OTOG: variants seen among roughly 807,000 people sequenced by gnomAD.
OTOG encodes the protein otogelin.
Under a neutral mutation model 313.8 loss-of-function variants are expected in OTOG, and 296 were observed. That is an observed-to-expected ratio of 0.94 (90% CI 0.86 to 1.04). The LOEUF (loss-of-function observed/expected upper bound fraction) is 1.04, where lower values mean the gene tolerates loss of function less well. Among genes scored for constraint, OTOG ranks in the 50% least tolerant of loss-of-function variants. The pLI, the probability that OTOG is intolerant of heterozygous loss-of-function variation, is 0.00. For synonymous variants in OTOG, 1,533 were observed against 1,554.9 expected (o/e 0.99, Z 0.33); for missense variants, 3,948 against 3,840.1 (o/e 1.03, Z -0.74).
rs1381718622 is a variant in OTOG, at chr11:17,609,663, C to G, written c.4363C>G (p.Pro1455Ala). 1.3e-6 allele frequency: 2 copies of G among 1,489,026 alleles called. No individual in the cohort carries two copies. The highest frequency in any genetic ancestry group is 1.4e-5 in the African/African-American group (1 of 71,154). The allele number at this position is 1,489,026 out of a possible 1,614,324, so 92.2% of individuals were successfully genotyped here. A position where few individuals can be genotyped will look rare whatever the true frequency, so the allele number is the denominator to read the frequency against. Reference sequence around the variant, plus strand: ...TTCTTTTGTCTCCGCAGGTGTGGAGCCAGCAGTTTGGGTTCCCACAGAGGC... The same window carrying G: ...TTCTTTTGTCTCCGCAGGTGTGGAGGCAGCAGTTTGGGTTCCCACAGAGGC... ...RCVYLEDCVE[P>A]AVWVPTEALG... is the part of the protein sequence containing the mutation. Residue 1455 changes from proline to alanine, a missense_variant, in exon 36 of 56, where the codon CCA becomes GCA. Coordinates refer to ENST00000399397, the MANE Select transcript of OTOG (RefSeq NM_001292063.2).
At chr11:17,561,260 C>T in intron 14 of OTOG, 123 bp downstream of exon 14, 2 of 1,128,584 alleles carry the variant, frequency 1.8e-6, no homozygotes, top group South Asian at 1.4e-5. Flanking sequence ...ATTGGCTACG[C>T]CCCGACCCCT....
chr11:17,636,594 G>A (rs1854272133), intron 47 of OTOG, among the ~76,000 whole-genome samples: 1 of 152,176 alleles, frequency 6.6e-6, no homozygotes, highest in Non-Finnish European at 1.5e-5. Flanking sequence ...GGCCGCACCT[G>A]ACCAGGAGCT....
At position 17,593,295 on chromosome 11, in the gene OTOG, C is replaced by T. The variant is rs866755719; in HGVS notation, c.3109C>T (p.Leu1037Phe). 38 of 1,550,514 alleles carry T rather than the reference C, an allele frequency of 2.5e-5. 2 individuals are homozygous for T. In the Middle Eastern group the frequency reaches 3.8e-3, roughly 156 times the overall value. The part of the protein sequence containing the change: ...KFISINVGNS[L>F]IVFDDDSGNP... Reference sequence around the variant, plus strand: ...TATTTCCATCAACGTTGGGAACTCACTCATTGTCTTTGATGATGACTCCGG... The same window carrying T: ...TATTTCCATCAACGTTGGGAACTCATTCATTGTCTTTGATGATGACTCCGG... The change falls in exon 26 of 56, where the codon CTC (leucine) becomes TTC (phenylalanine). Residue 1037 changes from leucine to phenylalanine, a missense_variant. Transcript: ENST00000399397.
At chr11:17,632,658 C>T (rs1051361798) in intron 42 of OTOG, among the ~76,000 whole-genome samples, 11 of 152,076 alleles carry the variant, frequency 7.2e-5, no homozygotes, top group African/African-American at 2.4e-4. Context: ...TTCCTTTTTG[C>T]TCACGTTTCT....
chr11:17,560,627 T>C, intron 12 of OTOG, 82 bp from the exon 13 acceptor site: 1 of 973,944 alleles, frequency 1.0e-6, no homozygotes, highest in South Asian at 1.5e-5. Context: ...TAAGGGGATC[T>C]TTATCAGAGG....
chr11:17,568,924 T>G (rs1156885507), intron 15 of OTOG, among the ~76,000 whole-genome samples: 1 of 152,206 alleles, frequency 6.6e-6, no homozygotes, highest in East Asian at 1.9e-4. Context: ...ACTACCATTT[T>G]TATTAGTGTT....
At chr11:17,556,856 T>A (rs1489976566) in intron 7 of OTOG, among the ~76,000 whole-genome samples, 1 of 152,194 alleles carries the variant, frequency 6.6e-6, no homozygotes, top group East Asian at 1.9e-4. Flanking sequence ...TTATATTCTA[T>A]CCTGTCTGGG....
In OTOG at chr11:17,632,212, G is replaced by A. The variant is rs560725852; in HGVS notation, c.7058G>A (p.Arg2353His). 10 of 1,550,440 alleles carry A rather than the reference G, an allele frequency of 6.4e-6. No homozygotes were observed. The highest frequency in any genetic ancestry group is 5.5e-5 in the African/African-American group (4 of 73,024). ...HKFHVCIEWRRSDYCPFLCSS... is the reference protein window; with the variant it reads ...HKFHVCIEWRHSDYCPFLCSS... ...TTTCATGTGTGCATCGAGTGGCGGC[G>A]CTCTGACTACTGCCGTGAGTTTGCG... The change falls in exon 42 of 56, where the codon CGC becomes CAC. Residue 2353 changes from arginine to histidine, a missense_variant. Physicochemically the swap from Arg to His is conservative, Grantham distance 29. Coordinates refer to ENST00000399397, the MANE Select transcript of OTOG (RefSeq NM_001292063.2).
intron 15 of OTOG, among the ~76,000 whole-genome samples, chr11:17,566,868 T>C (rs1057011492): frequency 6.6e-6 from 1 of 152,360 alleles, no homozygotes; most frequent in Admixed American, 6.5e-5. Context: ...TGTAATGCAG[T>C]TAGATTCTTT....
At position 17,605,959 on chromosome 11, in the gene OTOG, C is replaced by A; in HGVS notation, c.3980C>A (p.Thr1327Asn). The change falls in exon 33 of 56, where the codon ACC becomes AAC. Residue 1327 changes from threonine to asparagine, a missense_variant. Physicochemically the swap from Thr to Asn is moderately conservative, Grantham distance 65. Coordinates refer to ENST00000399397, the MANE Select transcript of OTOG (RefSeq NM_001292063.2). ...CTGGCTAAGTGGCAGGGCCGTGACACCTTCCAACAGCATGCCTCCTTCTTG... is the reference window on the plus strand; with the variant it reads ...CTGGCTAAGTGGCAGGGCCGTGACAACTTCCAACAGCATGCCTCCTTCTTG... The part of the protein sequence containing the change: ...LELAKWQGRD[T>N]FQQHASFLLH... 6.4e-7 allele frequency: 1 copy of A among 1,550,638 alleles called. No homozygotes were observed. Among genetic ancestry groups the A allele is most frequent in the Non-Finnish European group, 8.7e-7 (1 of 1,146,998 alleles).
intron 35 of OTOG, 99 bp from the exon 36 acceptor site, chr11:17,609,556 G>A (rs1015307745): frequency 4.5e-6 from 5 of 1,107,368 alleles, no homozygotes; most frequent in Admixed American, 2.9e-5. Context: ...CCATCACCGA[G>A]AGTGCCAGTC....
chr11:17,558,969 G>C, intron 10 of OTOG, 83 bp from the exon 11 acceptor site: 1 of 1,110,370 alleles, frequency 9.0e-7, no homozygotes, highest in Non-Finnish European at 1.3e-6. Flanking sequence ...ATGCCCTGAA[G>C]CCCTGGCAGT....
In OTOG at chr11:17,569,402, CTG is replaced by C; in HGVS notation, c.1777+115_1777+116del. On this transcript the variant is annotated intron_variant, in intron 16 of 55. Coordinates refer to ENST00000399397, the MANE Select transcript of OTOG (RefSeq NM_001292063.2). ...CCTGGCAAAAACTCATATTCTAGTA[CTG>C]GGTAGATCAGGATAGGGGACACTTT... The C allele has an allele frequency of 3.6e-6, 5 of 1,397,670 alleles. No individual in the cohort carries two copies. In the East Asian group the frequency reaches 7.6e-5, roughly 21 times the overall value. The allele number at this position is 1,397,670 out of a possible 1,614,324, so 86.6% of individuals were successfully genotyped here.
At chr11:17,592,897 T>C (rs1852983937) in intron 25 of OTOG, among the ~76,000 whole-genome samples, 1 of 152,244 alleles carries the variant, frequency 6.6e-6, no homozygotes, top group South Asian at 2.1e-4. Context: ...CAAGGATGTA[T>C]GTGAGACAGT....
intron 40 of OTOG, 86 bp downstream of exon 40, chr11:17,629,402 G>T: frequency 7.1e-7 from 1 of 1,399,136 alleles, no homozygotes; most frequent in Non-Finnish European, 9.5e-7. Flanking sequence ...AGCAGGAAAG[G>T]CTGGGACAGA....
chr11:17,612,877 C>G, intron 38 of OTOG, 112 bp downstream of exon 38: 1 of 1,266,650 alleles, frequency 7.9e-7, no homozygotes. Context: ...GTGGAAGCCC[C>G]CCTGAGCTCC....
In OTOG at chr11:17,558,318, C is replaced by T. The variant is rs1000980475; in HGVS notation, c.996+3C>T. 1.5e-5 allele frequency: 23 copies of T among 1,550,620 alleles called. No homozygotes were observed. Among genetic ancestry groups the T allele is most frequent in the Admixed American group, 1.2e-4 (6 of 50,970 alleles). ...AGCAGAACCCAGGAACCATGCAGGT[C>T]TGGAGCTTGGGGAGAAACTCCCCTA... On this transcript the variant is annotated splice_donor_region_variant and intron_variant, in intron 9 of 55. Transcript: ENST00000399397.
intron 15 of OTOG, among the ~76,000 whole-genome samples, chr11:17,565,371 C>A (rs1288558082): frequency 6.6e-6 from 1 of 152,090 alleles, no homozygotes; most frequent in African/African-American, 2.4e-5. Flanking sequence ...AGGTAAAGTG[C>A]CATGTTCATC....
intron 48 of OTOG, chr11:17,638,761 A>G (rs781559036): frequency 5.9e-6 from 9 of 1,538,388 alleles, no homozygotes; most frequent in Admixed American, 2.0e-5. Flanking sequence ...TAAAAGAAGG[A>G]AAAAGCAAGT....
Sources: gnomAD v4.1 joint callset for allele counts (sites outside exome capture counted in the v4.1 genomes callset) on GRCh38, gnomAD v4.1.1 for gene constraint, MANE v1.5 for transcripts, NCBI Gene and HGNC (gene_info 2026-07-23, HGNC 2026-07-21) for gene names.